TAMM41: variants seen among roughly 807,000 people sequenced by gnomAD.
TAMM41 encodes TAM41 mitochondrial translocator assembly and maintenance homolog, also known as phosphatidate cytidylyltransferase, mitochondrial.
A neutral mutation model predicts 44.1 loss-of-function variants in TAMM41; 36 were observed. The ratio of observed to expected loss-of-function variants is 0.82; its 90% CI spans 0.63 to 1.08. The LOEUF (loss-of-function observed/expected upper bound fraction) is 1.08. Among genes scored for constraint, TAMM41 ranks in the 50% least tolerant of loss-of-function variants. The pLI is 0.00. For synonymous variants in TAMM41, 164 were observed against 153.1 expected (o/e 1.07, Z -0.53); for missense variants, 417 against 404.3 (o/e 1.03, Z -0.27).
At position 11,846,522 on chromosome 3, in the gene TAMM41, C is replaced by T; in HGVS notation, c.115G>A (p.Gly39Arg). ...VYGSGVYRQAGPSSDQKNAML... is the reference protein window; with the variant it reads ...VYGSGVYRQARPSSDQKNAML... The stretch of plus-strand genomic sequence containing the variant: ...CTCACCTTCTGGTCTGAACTCGGCC[C>T]TGCCTGGCGGTACACCCCGGAGCCG... Residue 39 changes from glycine to arginine, a missense_variant, in exon 1 of 8, where the codon GGG becomes AGG. Coordinates refer to ENST00000455809, the MANE Select transcript of TAMM41 (RefSeq NM_001284401.2). The T allele has an allele frequency of 6.2e-7, 1 of 1,614,240 alleles. No homozygotes were observed. The highest frequency in any genetic ancestry group is 1.7e-5 in the Admixed American group (1 of 60,028).
In TAMM41 at chr3:11,840,041, C is replaced by T. The variant is rs190667718; in HGVS notation, c.319-727G>A. Among the ~76,000 whole-genome samples the T allele has an allele frequency of 3.1e-3, 464 of 152,102 alleles. 1 individual carries two copies. Among genetic ancestry groups the T allele is most frequent in the African/African-American group, 0.011 (437 of 41,474 alleles). Reference sequence around the variant, plus strand: ...GTTGCCCCTCCCTCAGCAAAAGGCCCACTCAGCCCATGAGGACTGTTTTCC... The same window carrying T: ...GTTGCCCCTCCCTCAGCAAAAGGCCTACTCAGCCCATGAGGACTGTTTTCC... On this transcript the variant is annotated intron_variant, in intron 2 of 7. Transcript: ENST00000455809.
At chr3:11,770,861 G>C in the TAMM41 span, among the ~76,000 whole-genome samples, 1 of 152,188 alleles carries the variant, frequency 6.6e-6, no homozygotes, top group African/African-American at 2.4e-5. Flanking sequence ...CTTTTGTGTA[G>C]CTCCTGTCTC....
At chr3:11,751,299 C>T in the TAMM41 span, among the ~76,000 whole-genome samples, 3 of 151,966 alleles carry the variant, frequency 2.0e-5, no homozygotes, top group East Asian at 5.8e-4. Flanking sequence ...ACCATGTTGG[C>T]CAGTCTGGTC....
At chr3:11,757,899 C>T in the TAMM41 span, among the ~76,000 whole-genome samples, 12 of 152,110 alleles carry the variant, frequency 7.9e-5, no homozygotes, top group African/African-American at 2.4e-4. Context: ...GCAGGGTCCT[C>T]GTTGTTTAGG....
At chr3:11,750,380 C>A in the TAMM41 span, among the ~76,000 whole-genome samples, 1 of 152,050 alleles carries the variant, frequency 6.6e-6, no homozygotes. Context: ...TCATGGCTCA[C>A]TGACTGTAGC....
At chr3:11,804,996 CTTTTTTTTTTTTTT>C (rs1156555980) in intron 7 of TAMM41, among the ~76,000 whole-genome samples, 5 of 103,082 alleles carry the variant, frequency 4.9e-5, no homozygotes, top group Non-Finnish European at 9.6e-5. Context: ...ACGCCCAGCC[CTTTTTTTTTTTTTT>C]TTTTTTTTTT....
chr3:11,757,849 C>T, the TAMM41 span, among the ~76,000 whole-genome samples: 1 of 152,166 alleles, frequency 6.6e-6, no homozygotes, highest in Non-Finnish European at 1.5e-5. Flanking sequence ...TAATCCTGCT[C>T]CCTGAGCAGC....
the TAMM41 span, among the ~76,000 whole-genome samples, chr3:11,727,623 G>C: frequency 0.49 from 74,223 of 151,660 alleles, 18,591 homozygotes; most frequent in East Asian, 0.67. Flanking sequence ...TGCCACCACA[G>C]TAGGCTAATT....
the TAMM41 span, among the ~76,000 whole-genome samples, chr3:11,752,896 C>G: frequency 6.6e-6 from 1 of 151,434 alleles, no homozygotes; most frequent in African/African-American, 2.4e-5. Context: ...CTCTAGCGAT[C>G]GTCCTGCCTT....
chr3:11,791,999 C>T (rs1498091), intron 7 of TAMM41, among the ~76,000 whole-genome samples: 59,731 of 151,836 alleles, frequency 0.39, 12,270 homozygotes, highest in East Asian at 0.66. Context: ...AAGACCAAGC[C>T]GAATACAGGT....
At chr3:11,800,073 A>AG (rs2077711234) in intron 7 of TAMM41, among the ~76,000 whole-genome samples, 1 of 152,212 alleles carries the variant, frequency 6.6e-6, no homozygotes, top group Non-Finnish European at 1.5e-5. Flanking sequence ...CCAGCCCTAT[A>AG]GGAAATGCTC....
At chr3:11,740,649 C>T in the TAMM41 span, among the ~76,000 whole-genome samples, 1 of 151,724 alleles carries the variant, frequency 6.6e-6, no homozygotes, top group Non-Finnish European at 1.5e-5. Context: ...ATGGTGTGAT[C>T]TTGGCTCACC....
intron 6 of TAMM41, chr3:11,808,230 T>G: frequency 9.0e-7 from 1 of 1,111,186 alleles, no homozygotes; most frequent in Non-Finnish European, 1.1e-6. Flanking sequence ...GGTTCTCAAT[T>G]CCATAACATG....
downstream of TAMM41, among the ~76,000 whole-genome samples, chr3:11,789,699 C>A (rs1156953204): frequency 6.6e-6 from 1 of 152,138 alleles, no homozygotes; most frequent in East Asian, 1.9e-4. Context: ...TTGCTAGGGG[C>A]TGTTGGGAAG....
intron 1 of TAMM41, among the ~76,000 whole-genome samples, chr3:11,845,757 G>T (rs750584660): frequency 2.0e-5 from 3 of 152,110 alleles, no homozygotes; most frequent in African/African-American, 4.8e-5. Context: ...GTATCCAGAC[G>T]CAGGGGGCCC....
intron 5 of TAMM41, among the ~76,000 whole-genome samples, chr3:11,813,516 A>G (rs935387018): frequency 2.6e-5 from 4 of 152,044 alleles, no homozygotes; most frequent in African/African-American, 9.7e-5. Context: ...GGCAACAAAG[A>G]AAGACTCCAT....
intron 5 of TAMM41, chr3:11,811,352 C>T (rs950612551): frequency 1.3e-5 from 2 of 151,950 alleles, no homozygotes; most frequent in Non-Finnish European, 2.9e-5. Flanking sequence ...GTTTTGAGGC[C>T]ACATATTGGG....
chr3:11,810,699 G>T (rs1287297970), intron 5 of TAMM41: 2 of 152,120 alleles, frequency 1.3e-5, no homozygotes, highest in African/African-American at 4.8e-5. Flanking sequence ...TTTACAGATA[G>T]GACGAACTTT....
chr3:11,831,409 T>A (rs952665135), intron 3 of TAMM41, among the ~76,000 whole-genome samples: 12 of 152,320 alleles, frequency 7.9e-5, no homozygotes, highest in African/African-American at 2.6e-4. Flanking sequence ...CATGATCTTT[T>A]AAAAACATCA....
Sources: gnomAD v4.1 joint callset for allele counts (sites outside exome capture counted in the v4.1 genomes callset) on GRCh38, gnomAD v4.1.1 for gene constraint, MANE v1.5 for transcripts, NCBI Gene and HGNC (gene_info 2026-07-23, HGNC 2026-07-21) for gene names.